Variants in ERBB4 observed in about 807,000 individuals in gnomAD.
ERBB4 encodes erb-b2 receptor tyrosine kinase 4.
ERBB4 carries 42 observed loss-of-function variants against 158.0 expected under a neutral mutation model. That is an observed-to-expected ratio of 0.27 (90% CI 0.21 to 0.34). ERBB4 has a LOEUF of 0.34. ERBB4 is among the 10% of genes least tolerant of loss of function. The pLI, the probability that ERBB4 is intolerant of heterozygous loss-of-function variation, is 1.00. For synonymous variants in ERBB4, 583 were observed against 558.7 expected (o/e 1.04, Z -0.61); for missense variants, 1,333 against 1,624.1 (o/e 0.82, Z 3.08).
intron 20 of ERBB4, among the ~76,000 whole-genome samples, chr2:211,439,661 C>T (rs2063931788): frequency 6.6e-6 from 1 of 152,160 alleles, no homozygotes; most frequent in African/African-American, 2.4e-5. Flanking sequence ...CCTCTCTGTA[C>T]ATCAATTTCC....
chr2:212,146,197 G>A (rs1390938717), intron 1 of ERBB4, among the ~76,000 whole-genome samples: 1 of 152,166 alleles, frequency 6.6e-6, no homozygotes, highest in African/African-American at 2.4e-5. Context: ...AATATTTAGT[G>A]TTTCAGTTAT....
At chr2:211,724,325 C>G (rs534944200) in intron 6 of ERBB4, among the ~76,000 whole-genome samples, 234 of 149,850 alleles carry the variant, frequency 1.6e-3, no homozygotes, top group Middle Eastern at 3.5e-3. Context: ...ATGGTTTGCT[C>G]ATTGCTGGAA....
intron 12 of ERBB4, among the ~76,000 whole-genome samples, chr2:211,682,411 A>G (rs1462469594): frequency 6.6e-6 from 1 of 152,148 alleles, no homozygotes; most frequent in South Asian, 2.1e-4. Context: ...CACACTGGTG[A>G]GGGCAATCTG....
chr2:212,291,403 T>C (rs944879830), intron 1 of ERBB4, among the ~76,000 whole-genome samples: 1 of 152,084 alleles, frequency 6.6e-6, no homozygotes, highest in Non-Finnish European at 1.5e-5. Context: ...TTTTAAAAAG[T>C]CTTTTTACTA....
At position 211,882,072 on chromosome 2, in the gene ERBB4, C is replaced by T. The variant is rs542276752; in HGVS notation, c.421+65358G>A. Reference sequence around the variant, plus strand: ...GGAAAGTCCTTCTGCACCACAACAACACCCCTGCTCATTCCCTTTATCAAA... The same window carrying T: ...GGAAAGTCCTTCTGCACCACAACAATACCCCTGCTCATTCCCTTTATCAAA... On this transcript the variant is annotated intron_variant, in intron 3 of 27. Transcript: ENST00000342788. Among the ~76,000 whole-genome samples, 4 of 152,306 alleles carry T rather than the reference C, an allele frequency of 2.6e-5. No individual in the cohort carries two copies. The South Asian group carries it at 8.3e-4, about 32-fold the overall frequency.
intron 2 of ERBB4, among the ~76,000 whole-genome samples, chr2:212,114,687 T>C (rs1359446817): frequency 1.3e-5 from 2 of 152,210 alleles, no homozygotes; most frequent in East Asian, 1.9e-4. Context: ...GAAATGATGT[T>C]GAAACAACCC....
At chr2:211,901,404 T>G (rs1198980286) in intron 3 of ERBB4, among the ~76,000 whole-genome samples, 1 of 152,190 alleles carries the variant, frequency 6.6e-6, no homozygotes, top group African/African-American at 2.4e-5. Context: ...TGTTACACTG[T>G]GTGTGGGCGC....
chr2:212,459,962 T>A (rs189327505), intron 1 of ERBB4, among the ~76,000 whole-genome samples: 1 of 152,130 alleles, frequency 6.6e-6, no homozygotes, highest in Non-Finnish European at 1.5e-5. Context: ...TGAATTCACA[T>A]GTGTTGTGGG....
chr2:211,763,283 G>C (rs2075462160), intron 4 of ERBB4, among the ~76,000 whole-genome samples: 2 of 152,160 alleles, frequency 1.3e-5, no homozygotes, highest in Admixed American at 1.3e-4. Context: ...GGTCTCCATG[G>C]ATAGCCTGTG....
chr2:211,641,353 T>C (rs2070580024), intron 16 of ERBB4, among the ~76,000 whole-genome samples: 1 of 151,556 alleles, frequency 6.6e-6, no homozygotes, highest in Non-Finnish European at 1.5e-5. Flanking sequence ...ACTGTTCCAA[T>C]CTGTTTTTGT....
At chr2:211,464,756 T>G (rs1350678282) in intron 20 of ERBB4, among the ~76,000 whole-genome samples, 2 of 152,050 alleles carry the variant, frequency 1.3e-5, no homozygotes, top group Non-Finnish European at 2.9e-5. Flanking sequence ...TCATCATCCT[T>G]CACATTTAAC....
intron 5 of ERBB4, among the ~76,000 whole-genome samples, chr2:211,738,361 GTTTTTTTTTTTTT>G (rs10535592): frequency 1.8e-4 from 25 of 135,342 alleles, no homozygotes; most frequent in Admixed American, 7.2e-4. Flanking sequence ...CTTTGTTTTT[GTTTTTTTTTTTTT>G]TTTTTTTTTT....
rs930038640 is a variant in ERBB4, at chr2:211,541,451, G to A, written c.2487+20452C>T. Among the ~76,000 whole-genome samples, 3 of 151,800 alleles carry A rather than the reference G, an allele frequency of 2.0e-5. No homozygotes were observed. The South Asian group carries it at 6.2e-4, about 31-fold the overall frequency. ...CAGTTAACTTTGCTTCATTTCACTG[G>A]TCTTTTTTTATACCCAGAAAGACAG... is the stretch of plus-strand genomic sequence containing the variant. On this transcript the variant is annotated intron_variant, in intron 20 of 27. Transcript: ENST00000342788.
chr2:211,746,276 A>G (rs1303774553), intron 5 of ERBB4, among the ~76,000 whole-genome samples: 2 of 152,174 alleles, frequency 1.3e-5, no homozygotes, highest in East Asian at 1.9e-4. Flanking sequence ...CACTGTCTCT[A>G]AAGCAAAATA....
At chr2:212,311,650 TCTC>T (rs1381164291) in intron 1 of ERBB4, among the ~76,000 whole-genome samples, 1 of 150,906 alleles carries the variant, frequency 6.6e-6, no homozygotes, top group African/African-American at 2.4e-5. Context: ...TGCATCCACC[TCTC>T]CTCAAGTCCT....
At chr2:212,518,916 G>T (rs1691991749) in intron 1 of ERBB4, among the ~76,000 whole-genome samples, 2 of 151,910 alleles carry the variant, frequency 1.3e-5, no homozygotes, top group Non-Finnish European at 2.9e-5. Flanking sequence ...TCCTAGAGAA[G>T]ATTTTTTTCA....
chr2:212,223,923 C>T (rs1475266635), intron 1 of ERBB4, among the ~76,000 whole-genome samples: 2 of 151,692 alleles, frequency 1.3e-5, no homozygotes, highest in Non-Finnish European at 2.9e-5. Flanking sequence ...TACCTTCCAG[C>T]CAACACAACG....
At chr2:211,640,560 G>C (rs914938906) in intron 16 of ERBB4, among the ~76,000 whole-genome samples, 1 of 152,104 alleles carries the variant, frequency 6.6e-6, no homozygotes, top group African/African-American at 2.4e-5. Context: ...TATACAACTT[G>C]TCCAAGGTCC....
intron 3 of ERBB4, among the ~76,000 whole-genome samples, chr2:211,794,292 C>T (rs548306927): frequency 3.9e-5 from 6 of 151,970 alleles, no homozygotes; most frequent in African/African-American, 1.4e-4. Flanking sequence ...TCTTAGAGTT[C>T]CCCCTTCCTC....
Sources: allele counts gnomAD v4.1 joint callset (sites outside exome capture counted in the v4.1 genomes callset), GRCh38; gene constraint gnomAD v4.1.1; transcripts MANE v1.5; gene names NCBI Gene and HGNC (gene_info 2026-07-23, HGNC 2026-07-21).